Variants in FBXO21 observed in about 807,000 individuals in gnomAD.
FBXO21 encodes the protein F-box protein 21.
A neutral mutation model predicts 76.6 loss-of-function variants in FBXO21; 32 were observed. The ratio of observed to expected loss-of-function variants is 0.42; its 90% CI spans 0.32 to 0.56. FBXO21 has a LOEUF of 0.56. Among genes scored for constraint, FBXO21 ranks in the 20% least tolerant of loss-of-function variants. The probability of loss-of-function intolerance (pLI) is 0.16; values close to 1 mark genes in which losing one functional copy is unlikely to be tolerated. For synonymous variants in FBXO21, 328 were observed against 311.5 expected, an observed-to-expected ratio of 1.05 and a Z score of -0.56; for missense variants, 586 against 797.3, an observed-to-expected ratio of 0.73 and a Z score of 3.19.
intron 10 of FBXO21, 68 bp from the exon 11 acceptor site, chr12:117,156,016 G>A (rs1162272017): frequency 2.0e-6 from 3 of 1,498,978 alleles, no homozygotes; most frequent in African/African-American, 2.7e-5. Flanking sequence ...ACAACCGCGT[G>A]GCTTCTCAGC....
At chr12:117,173,089 C>T (rs1221687197) in intron 6 of FBXO21, among the ~76,000 whole-genome samples, 3 of 150,982 alleles carry the variant, frequency 2.0e-5, no homozygotes, top group Admixed American at 6.6e-5. Flanking sequence ...GACTGGAGTG[C>T]GATGGCGCAA....
At chr12:117,150,661 G>A (rs1337570191) in intron 11 of FBXO21, among the ~76,000 whole-genome samples, 2 of 152,208 alleles carry the variant, frequency 1.3e-5, no homozygotes, top group Admixed American at 6.5e-5. Context: ...TTTTAACAAA[G>A]GGGCCAAAGA....
intron 2 of FBXO21, among the ~76,000 whole-genome samples, chr12:117,187,996 G>C (rs1010978074): frequency 6.6e-6 from 1 of 152,148 alleles, no homozygotes; most frequent in Non-Finnish European, 1.5e-5. Flanking sequence ...ATTCAAATTT[G>C]TCCAAAGTTC....
At chr12:117,156,685 A>G (rs1955919138) in intron 10 of FBXO21, among the ~76,000 whole-genome samples, 1 of 152,176 alleles carries the variant, frequency 6.6e-6, no homozygotes, top group Non-Finnish European at 1.5e-5. Flanking sequence ...GATGACAGGA[A>G]CACCACCTGG....
At chr12:117,166,469 T>C (rs12367404) in intron 8 of FBXO21, among the ~76,000 whole-genome samples, 30,284 of 152,096 alleles carry the variant, frequency 0.2, 3,412 homozygotes, top group East Asian at 0.43. Context: ...CTCTGTACTT[T>C]CTGCTCAATT....
chr12:117,154,492 C>T (rs1204115854), intron 11 of FBXO21, among the ~76,000 whole-genome samples: 2 of 152,188 alleles, frequency 1.3e-5, no homozygotes, highest in African/African-American at 2.4e-5. Context: ...CTCAAGTGAT[C>T]CTCCCAACCC....
In FBXO21 at chr12:117,172,602, C is replaced by G; in HGVS notation, c.882G>C (p.Leu294Phe). Reference protein sequence around the residue: ...NALNLYMHQVLIRRTGIPISM... With the variant: ...NALNLYMHQVFIRRTGIPISM... ...TGATTGGGATTCCTGTTCTGCGAAT[C>G]AAAACCTAAAGCAGAAAAAATGCTT... Residue 294 changes from leucine (L) to phenylalanine (F), a missense_variant, in exon 7 of 12, where the codon TTG becomes TTC. Leu to Phe is a conservative substitution (Grantham distance 22). Around this residue, in one of 6 missense-constraint regions of FBXO21, gnomAD observed 246 missense variants for 356.8 expected, o/e 0.69. Coordinates refer to ENST00000622495, the MANE Select transcript of FBXO21 (RefSeq NM_015002.3). The G allele has an allele frequency of 1.9e-6, 3 of 1,611,660 alleles. No individual in the cohort carries two copies. The East Asian group carries it at 6.7e-5, about 36-fold the overall frequency.
chr12:117,157,334 G>T (rs549875375), intron 10 of FBXO21, among the ~76,000 whole-genome samples: 4 of 152,314 alleles, frequency 2.6e-5, no homozygotes, highest in South Asian at 4.1e-4. Context: ...AAACCACAGT[G>T]AAACACTATT....
rs987379468 is a variant in FBXO21, at chr12:117,145,185, A to G, written c.*902T>C. The G allele has an allele frequency of 6.6e-6, 1 of 151,576 alleles. No individual in the cohort carries two copies. Among genetic ancestry groups the G allele is most frequent in the African/African-American group, 2.4e-5 (1 of 41,254 alleles). The allele number at this position is 151,576 out of a possible 1,614,324, so 9.4% of individuals were successfully genotyped here. A position where few individuals can be genotyped will look rare whatever the true frequency, so the allele number is the denominator to read the frequency against. ...ACTTCTAAGAGCAAACATTAACATC[A>G]GATTTGTATGTCTCACTACAAAAAG... is the stretch of plus-strand genomic sequence containing the variant. On this transcript the variant is annotated 3_prime_UTR_variant, in exon 12 of 12. Coordinates refer to ENST00000622495, the MANE Select transcript of FBXO21 (RefSeq NM_015002.3).
At chr12:117,147,998 T>G (rs922363071) in intron 11 of FBXO21, among the ~76,000 whole-genome samples, 6 of 152,192 alleles carry the variant, frequency 3.9e-5, no homozygotes, top group Non-Finnish European at 7.4e-5. Flanking sequence ...GGCCTATTAT[T>G]TCTTAAACAG....
Position 117,173,656 on chromosome 12 carries a change from T to G in FBXO21, c.876+549A>C, listed in dbSNP as rs551930543. Among the ~76,000 whole-genome samples the G allele has an allele frequency of 5.5e-4, 83 of 152,192 alleles. 4 individuals carry two copies. The South Asian group carries it at 0.015, about 27-fold the overall frequency. On this transcript the variant is annotated intron_variant, in intron 6 of 11. Coordinates refer to ENST00000622495, the MANE Select transcript of FBXO21 (RefSeq NM_015002.3). Reference sequence around the variant, plus strand: ...CAAGATACAAACTGACCAAACAGAGTCAGAGAAATATCTATTTTTAGTCAA... The same window carrying G: ...CAAGATACAAACTGACCAAACAGAGGCAGAGAAATATCTATTTTTAGTCAA...
chr12:117,178,523 C>G (rs1276556087), intron 3 of FBXO21, among the ~76,000 whole-genome samples: 2 of 152,184 alleles, frequency 1.3e-5, no homozygotes, highest in Middle Eastern at 3.4e-3. Flanking sequence ...AGAAAAAGCC[C>G]AAGTCCTAAG....
At chr12:117,174,994 T>TC (rs1458371227) in intron 4 of FBXO21, among the ~76,000 whole-genome samples, 197 bp from the exon 5 acceptor site, 2 of 151,446 alleles carry the variant, frequency 1.3e-5, no homozygotes, top group African/African-American at 4.9e-5. Context: ...AGCTTTAACT[T>TC]TAAAAAAAAA....
intron 3 of FBXO21, among the ~76,000 whole-genome samples, chr12:117,184,215 C>T (rs1233248900): frequency 1.3e-5 from 2 of 151,948 alleles, no homozygotes; most frequent in Non-Finnish European, 2.9e-5. Flanking sequence ...TGCTCACCAC[C>T]CCCAACAAAA....
chr12:117,169,747 T>C (rs1956097517), intron 7 of FBXO21, among the ~76,000 whole-genome samples: 1 of 152,054 alleles, frequency 6.6e-6, no homozygotes, highest in Non-Finnish European at 1.5e-5. Flanking sequence ...GCTCAATCAA[T>C]CCTCCCACCT....
At chr12:117,188,536 C>T (rs1956309411) in intron 2 of FBXO21, among the ~76,000 whole-genome samples, 1 of 151,006 alleles carries the variant, frequency 6.6e-6, no homozygotes, top group Non-Finnish European at 1.5e-5. Flanking sequence ...CAAAGCAAGA[C>T]TCTGTCTCAA....
intron 11 of FBXO21, among the ~76,000 whole-genome samples, chr12:117,147,305 A>G (rs58250631): frequency 0.16 from 20,320 of 128,130 alleles, 1,907 homozygotes; most frequent in East Asian, 0.36. Flanking sequence ...AAAAAAAAAA[A>G]AAGAAAAAAA....
At chr12:117,172,653 T>C in intron 6 of FBXO21, 46 bp from the exon 7 acceptor site, 7 of 1,577,902 alleles carry the variant, frequency 4.4e-6, no homozygotes, top group Non-Finnish European at 6.1e-6. Flanking sequence ...GAACTATACG[T>C]TCTCATTCTT....
rs376887336 is a variant in FBXO21 at position 117,172,590 on chromosome 12, T to C, written c.894A>G (p.Thr298=). 2.5e-6 allele frequency: 4 copies of C among 1,612,796 alleles called. No homozygotes were observed. Among genetic ancestry groups the C allele is most frequent in the Non-Finnish European group, 3.4e-6 (4 of 1,178,972 alleles). ...GCAGAGACATGCTGATTGGGATTCC[T>C]GTTCTGCGAATCAAAACCTAAAGCA... is the stretch of plus-strand genomic sequence containing the variant. ...LYMHQVLIRR[T]GIPISMSLLY... Residue 298 remains threonine, a synonymous_variant, in exon 7 of 12, where the codon ACA becomes ACG. Coordinates refer to ENST00000622495, the MANE Select transcript of FBXO21 (RefSeq NM_015002.3).
Sources: gnomAD v4.1 joint callset for allele counts (sites outside exome capture counted in the v4.1 genomes callset) on GRCh38, gnomAD v4.1.1 for gene constraint, gnomAD v4.1.1 regional missense constraint, MANE v1.5 for transcripts, NCBI Gene and HGNC (gene_info 2026-07-23, HGNC 2026-07-21) for gene names.